RANBP2: variants seen among roughly 807,000 people sequenced by gnomAD.
RANBP2 encodes the protein RAN binding protein 2, also known as E3 SUMO-protein ligase RanBP2.
Under a neutral mutation model 303.6 loss-of-function variants are expected in RANBP2, and 57 were observed. That is an observed-to-expected ratio of 0.19 (90% CI 0.15 to 0.23). RANBP2 has a LOEUF of 0.23. Among genes scored for constraint, RANBP2 ranks in the 10% least tolerant of loss-of-function variants. RANBP2 has a pLI of 1.00. For missense variants in RANBP2, 3,138 were observed against 3,780.8 expected (o/e 0.83, Z 4.46); for synonymous variants, 1,167 against 1,301.5 (o/e 0.90, Z 2.23).
chr2:109,707,474 C>G, the RANBP2 span, among the ~76,000 whole-genome samples: 2 of 152,230 alleles, frequency 1.3e-5, no homozygotes, highest in Non-Finnish European at 2.9e-5. Flanking sequence ...GCCAGGCTGA[C>G]ATTCAGCTAT....
the RANBP2 span, among the ~76,000 whole-genome samples, chr2:108,861,255 C>A: frequency 6.6e-6 from 1 of 150,776 alleles, no homozygotes; most frequent in African/African-American, 2.4e-5. Context: ...GTTTATTGAT[C>A]TTGTTTATCC....
chr2:109,269,975 ATTAATGAAG>A, the RANBP2 span, among the ~76,000 whole-genome samples: 1 of 152,250 alleles, frequency 6.6e-6, no homozygotes, highest in African/African-American at 2.4e-5. Flanking sequence ...CTGTACAGAA[ATTAATGAAG>A]CCCTAGGAAA....
the RANBP2 span, among the ~76,000 whole-genome samples, chr2:108,944,872 G>GCAGGTCC: frequency 6.6e-6 from 1 of 152,206 alleles, no homozygotes; most frequent in African/African-American, 2.4e-5. Context: ...GCCGCCACCT[G>GCAGGTCC]CAGGTCCCAG....
At chr2:108,910,970 A>T in the RANBP2 span, 1 of 1,614,174 alleles carries the variant, frequency 6.2e-7, no homozygotes, top group Non-Finnish European at 8.5e-7. Context: ...CTTTGTCTTC[A>T]GGATGTAGAA....
chr2:109,188,254 G>A, the RANBP2 span, among the ~76,000 whole-genome samples: 39,924 of 152,168 alleles, frequency 0.26, 5,574 homozygotes, highest in East Asian at 0.42. Flanking sequence ...AAACTCCACC[G>A]CCACCCCAGC....
chr2:109,612,948 C>A, the RANBP2 span, among the ~76,000 whole-genome samples: 2 of 152,190 alleles, frequency 1.3e-5, no homozygotes, highest in African/African-American at 4.8e-5. Context: ...TAGGAGGTTG[C>A]TTAGTAGAGT....
At chr2:109,653,155 G>A in the RANBP2 span, among the ~76,000 whole-genome samples, 9 of 152,196 alleles carry the variant, frequency 5.9e-5, no homozygotes, top group East Asian at 1.7e-3. Context: ...CGAGGACTTC[G>A]GGAGGCTGAG....
At chr2:109,249,009 G>A in the RANBP2 span, among the ~76,000 whole-genome samples, 4 of 152,228 alleles carry the variant, frequency 2.6e-5, no homozygotes, top group African/African-American at 9.6e-5. Context: ...AGCCTCCTGA[G>A]TAGCTGGGAC....
the RANBP2 span, among the ~76,000 whole-genome samples, chr2:109,121,525 T>C: frequency 6.6e-6 from 1 of 152,184 alleles, no homozygotes; most frequent in Admixed American, 6.5e-5. Context: ...TTCTTTGTCA[T>C]AGGAATGGCA....
the RANBP2 span, among the ~76,000 whole-genome samples, chr2:109,529,200 G>T: frequency 2.0e-4 from 30 of 152,296 alleles, no homozygotes; most frequent in African/African-American, 6.0e-4. Context: ...AGAGGTGCCT[G>T]CAGGGCCTGG....
At chr2:108,856,557 T>C in the RANBP2 span, among the ~76,000 whole-genome samples, 1 of 152,232 alleles carries the variant, frequency 6.6e-6, no homozygotes, top group East Asian at 1.9e-4. Flanking sequence ...CTTGTTATTT[T>C]GGTGTTAAAA....
intron 2 of RANBP2, among the ~76,000 whole-genome samples, chr2:108,729,988 G>A (rs1317935440): frequency 2.6e-5 from 4 of 151,824 alleles, no homozygotes; most frequent in Non-Finnish European, 5.9e-5. Context: ...CGTAGTGTTG[G>A]GACTACAGGT....
the RANBP2 span, among the ~76,000 whole-genome samples, chr2:109,579,950 G>A: frequency 2.6e-5 from 4 of 151,624 alleles, no homozygotes; most frequent in Non-Finnish European, 4.4e-5. Flanking sequence ...GTGAAACCCT[G>A]TCTCTACTAA....
the RANBP2 span, among the ~76,000 whole-genome samples, chr2:108,858,898 A>G: frequency 6.6e-6 from 1 of 151,950 alleles, no homozygotes; most frequent in Admixed American, 6.6e-5. Context: ...TATGTATCAC[A>G]TTTTCTTTAT....
At chr2:109,303,587 G>T in the RANBP2 span, among the ~76,000 whole-genome samples, 1 of 152,228 alleles carries the variant, frequency 6.6e-6, no homozygotes. Context: ...CCCAAGGGAC[G>T]GGAGAGGGCC....
the RANBP2 span, among the ~76,000 whole-genome samples, chr2:109,588,783 G>A: frequency 2.7e-5 from 4 of 149,698 alleles, no homozygotes; most frequent in African/African-American, 9.8e-5. Context: ...GAGCCACCAT[G>A]CCAGGCTAAA....
chr2:108,907,801 C>T, the RANBP2 span: 1 of 1,602,892 alleles, frequency 6.2e-7, no homozygotes, highest in Non-Finnish European at 8.5e-7. Flanking sequence ...AAGTTTTAGT[C>T]TTGCGGCTGT....
chr2:109,561,259 T>C, the RANBP2 span, among the ~76,000 whole-genome samples: 1 of 152,162 alleles, frequency 6.6e-6, no homozygotes, highest in Non-Finnish European at 1.5e-5. Context: ...TGTCTTGCTC[T>C]GTTTTCCCCA....
the RANBP2 span, among the ~76,000 whole-genome samples, chr2:109,354,142 G>T: frequency 6.6e-6 from 1 of 152,134 alleles, no homozygotes; most frequent in East Asian, 1.9e-4. Flanking sequence ...GGCTGAGGGA[G>T]TTTCTGAACT....
Sources: allele counts gnomAD v4.1 joint callset (sites outside exome capture counted in the v4.1 genomes callset), GRCh38; gene constraint gnomAD v4.1.1; transcripts MANE v1.5; gene names NCBI Gene and HGNC (gene_info 2026-07-23, HGNC 2026-07-21).